The following PLSCR5 variants were observed in gnomAD, a reference collection of about 807,000 sequenced individuals.
PLSCR5 encodes phospholipid scramblase family member 5, also known as phospholipid scramblase family, member 5.
Under a neutral mutation model 33.6 loss-of-function variants are expected in PLSCR5, and 44 were observed. That is an observed-to-expected ratio of 1.31 (90% CI 1.03 to 1.69). The LOEUF (loss-of-function observed/expected upper bound fraction) is 1.69. Among genes scored for constraint, PLSCR5 ranks in the 40% most tolerant of loss-of-function variants. The pLI, the probability that PLSCR5 is intolerant of heterozygous loss-of-function variation, is 0.00. For synonymous variants in PLSCR5, 148 were observed against 112.3 expected (o/e 1.32, Z -2.01); for missense variants, 375 against 318.7 (o/e 1.18, Z -1.34).
At chr3:146,598,578 A>G (rs1258013731) in intron 2 of PLSCR5, among the ~76,000 whole-genome samples, 1 of 152,236 alleles carries the variant, frequency 6.6e-6, no homozygotes, top group Non-Finnish European at 1.5e-5. Flanking sequence ...ACAAAAATGT[A>G]TTCATGTCAA....
At chr3:146,587,203 G>A (rs1046037071) in intron 6 of PLSCR5, among the ~76,000 whole-genome samples, 1 of 152,102 alleles carries the variant, frequency 6.6e-6, no homozygotes, top group African/African-American at 2.4e-5. Flanking sequence ...CTTCTAGGTG[G>A]TGCAGATGCT....
chr3:146,599,615 G>T (rs115325609), intron 2 of PLSCR5, among the ~76,000 whole-genome samples: 9 of 150,522 alleles, frequency 6.0e-5, no homozygotes, highest in Non-Finnish European at 1.0e-4. Context: ...GCAAGCACTC[G>T]ACAAATATTC....
At chr3:146,593,893 A>T (rs376138641) in intron 4 of PLSCR5, 27 bp downstream of exon 4, 1 of 1,588,722 alleles carries the variant, frequency 6.3e-7, no homozygotes, top group Non-Finnish European at 8.6e-7. Flanking sequence ...TAAAAATCAA[A>T]AAGGACAACC....
chr3:146,590,080 A>G (rs1294765764), intron 5 of PLSCR5: 2 of 238,822 alleles, frequency 8.4e-6, no homozygotes, highest in Non-Finnish European at 1.6e-5. Flanking sequence ...ATATCAGGAT[A>G]AATAATTAAG....
chr3:146,584,518 A>G (rs1424912096), downstream of PLSCR5, among the ~76,000 whole-genome samples: 1 of 152,230 alleles, frequency 6.6e-6, no homozygotes, highest in South Asian at 2.1e-4. Context: ...ACGTGATTTT[A>G]AAATATAGTT....
At chr3:146,596,168 T>C (rs2044759130) in intron 2 of PLSCR5, among the ~76,000 whole-genome samples, 1 of 152,194 alleles carries the variant, frequency 6.6e-6, no homozygotes, top group Non-Finnish European at 1.5e-5. Flanking sequence ...TATGTTCTTA[T>C]AAAGAAATTT....
At chr3:146,600,208 C>A (rs1576824198) in intron 2 of PLSCR5, 80 bp downstream of exon 2, 1 of 1,119,482 alleles carries the variant, frequency 8.9e-7, no homozygotes, top group African/African-American at 1.6e-5. Flanking sequence ...TTCTTTCAAC[C>A]TTGATTGAAA....
downstream of PLSCR5, among the ~76,000 whole-genome samples, chr3:146,581,268 C>A (rs1435461356): frequency 1.3e-5 from 2 of 152,162 alleles, no homozygotes; most frequent in Non-Finnish European, 2.9e-5. Context: ...CTTGCCTGAA[C>A]AAGTAATAAG....
chr3:146,597,656 G>A (rs1431929866), intron 2 of PLSCR5, among the ~76,000 whole-genome samples: 2 of 152,126 alleles, frequency 1.3e-5, no homozygotes, highest in Non-Finnish European at 2.9e-5. Flanking sequence ...ATGGCCCAAA[G>A]GGGCATTTTC....
chr3:146,593,349 T>C (rs1022423059), intron 4 of PLSCR5, among the ~76,000 whole-genome samples: 3 of 152,150 alleles, frequency 2.0e-5, no homozygotes, highest in Non-Finnish European at 2.9e-5. Context: ...ACTGCATAAG[T>C]CAATGAAAGT....
At chr3:146,599,123 G>A (rs779035686) in intron 2 of PLSCR5, among the ~76,000 whole-genome samples, 1 of 152,114 alleles carries the variant, frequency 6.6e-6, no homozygotes, top group Non-Finnish European at 1.5e-5. Context: ...AAATACAAAA[G>A]CAACAATAAT....
intron 3 of PLSCR5, 72 bp from the exon 4 acceptor site, chr3:146,594,212 T>C (rs1325157306): frequency 9.1e-7 from 1 of 1,098,544 alleles, no homozygotes; most frequent in Non-Finnish European, 1.3e-6. Context: ...AAAGGGGAGA[T>C]GTTATTAAAA....
Position 146,591,005 on chromosome 3 carries a change from T to TTTG in PLSCR5, c.615+714_615+715insCAA, listed in dbSNP as rs775282186. Among the ~76,000 whole-genome samples the TTTG allele has an allele frequency of 1.1e-4, 16 of 150,282 alleles. 1 individual carries two copies. The highest frequency in any genetic ancestry group is 3.6e-4 in the African/African-American group (15 of 41,180). On this transcript the variant is annotated intron_variant, in intron 5 of 7. Transcript: ENST00000443512. The stretch of plus-strand genomic sequence containing the variant: ...GAATAAGGTTTTTTTTTGTTTTTTT[T>TTTG]TTTTGTTTTTTTTACAAAACTAACT...
At chr3:146,596,350 G>T (rs751843084) in intron 2 of PLSCR5, among the ~76,000 whole-genome samples, 2 of 151,998 alleles carry the variant, frequency 1.3e-5, no homozygotes, top group Non-Finnish European at 2.9e-5. Context: ...CACCATGCTC[G>T]GCTAATTTTC....
intron 1 of PLSCR5, among the ~76,000 whole-genome samples, chr3:146,603,872 CAT>C (rs1367917070): frequency 2.6e-5 from 4 of 152,008 alleles, no homozygotes; most frequent in South Asian, 2.1e-4. Flanking sequence ...AAAAATGACA[CAT>C]ATGTTAAATT....
At chr3:146,595,482 G>A (rs934307537) in intron 2 of PLSCR5, among the ~76,000 whole-genome samples, 2 of 152,056 alleles carry the variant, frequency 1.3e-5, no homozygotes, top group Non-Finnish European at 2.9e-5. Flanking sequence ...AGTGGCGTGC[G>A]CCTCTAGTCC....
At chr3:146,605,098 A>G (rs1173073052) in intron 1 of PLSCR5, 102 bp downstream of exon 1, 13 of 1,181,114 alleles carry the variant, frequency 1.1e-5, no homozygotes, top group Non-Finnish European at 1.5e-5. Context: ...GACAAATGAC[A>G]GCTTTTAAAG....
downstream of PLSCR5, among the ~76,000 whole-genome samples, chr3:146,582,885 T>C (rs1269201259): frequency 1.3e-5 from 2 of 152,176 alleles, no homozygotes; most frequent in Non-Finnish European, 2.9e-5. Context: ...GAGATGTCTT[T>C]TCAGGCTTTT....
intron 1 of PLSCR5, 107 bp downstream of exon 1, chr3:146,605,093 A>G: frequency 8.7e-7 from 1 of 1,153,978 alleles, no homozygotes; most frequent in Non-Finnish European, 1.2e-6. Context: ...AAAGTGACAA[A>G]TGACAGCTTT....
Sources: allele counts gnomAD v4.1 joint callset (sites outside exome capture counted in the v4.1 genomes callset), GRCh38; gene constraint gnomAD v4.1.1; transcripts MANE v1.5; gene names NCBI Gene and HGNC (gene_info 2026-07-23, HGNC 2026-07-21).